LRRC36: variants seen among roughly 807,000 people sequenced by gnomAD.
The protein encoded by LRRC36 is leucine rich repeat containing 36, also known as leucine-rich repeat-containing protein 36.
A neutral mutation model predicts 81.1 loss-of-function variants in LRRC36; 62 were observed. That is an observed-to-expected ratio of 0.76 (90% CI 0.62 to 0.94). LRRC36 has a LOEUF of 0.94. Ranked by LOEUF, LRRC36 falls within the 40% of genes least tolerant of loss-of-function variation. The pLI, the probability that LRRC36 is intolerant of heterozygous loss-of-function variation, is 0.00. For missense variants in LRRC36, 761 were observed against 881.7 expected (o/e 0.86, Z 1.73); for synonymous variants, 334 against 348.6 (o/e 0.96, Z 0.47).
At chr16:67,355,727 G>T (rs1186105876) in intron 5 of LRRC36, among the ~76,000 whole-genome samples, 2 of 152,158 alleles carry the variant, frequency 1.3e-5, no homozygotes, top group Non-Finnish European at 2.9e-5. Flanking sequence ...TTCTCAAACT[G>T]GACTCCTGTT....
At chr16:67,371,366 G>A in intron 9 of LRRC36, 124 bp downstream of exon 9, 1 of 1,186,386 alleles carries the variant, frequency 8.4e-7, no homozygotes, top group Non-Finnish European at 1.2e-6. Context: ...GATTTTCAGA[G>A]GCTGGTGGCT....
intron 8 of LRRC36, among the ~76,000 whole-genome samples, chr16:67,367,835 G>T (rs756937205): frequency 6.6e-6 from 1 of 152,082 alleles, no homozygotes; most frequent in Admixed American, 6.6e-5. Flanking sequence ...GGTGGATCAC[G>T]AGGTCAGGAG....
intron 9 of LRRC36, among the ~76,000 whole-genome samples, chr16:67,374,548 A>G (rs1250518971): frequency 6.6e-6 from 1 of 151,770 alleles, no homozygotes; most frequent in Non-Finnish European, 1.5e-5. Flanking sequence ...GCTGCCCACC[A>G]TCATGCCTGG....
chr16:67,340,272 G>C (rs868250885), intron 1 of LRRC36, among the ~76,000 whole-genome samples: 8 of 152,132 alleles, frequency 5.3e-5, no homozygotes, highest in African/African-American at 1.7e-4. Context: ...CTCTCTTCCA[G>C]TTTTGGTTGC....
Position 67,367,100 on chromosome 16 carries a change from G to A in LRRC36, c.838G>A (p.Asp280Asn). 1 of 1,613,960 alleles carries A rather than the reference G, an allele frequency of 6.2e-7. No individual in the cohort carries two copies. Among genetic ancestry groups the A allele is most frequent in the Non-Finnish European group, 8.5e-7 (1 of 1,179,970 alleles). Residue 280 changes from aspartate to asparagine, a missense_variant, in exon 8 of 14, where the codon GAC becomes AAC. Transcript: ENST00000329956. ...AGAAGGGTACCAAGTATCTTTTTTG[G>A]ACAATAAGTCTTCAGGTTCTTCTCC... Reference protein sequence around the residue: ...TREGYQVSFLDNKSSGSSPEK... With the variant: ...TREGYQVSFLNNKSSGSSPEK...
intron 1 of LRRC36, 30 bp from the exon 2 acceptor site, chr16:67,341,927 A>G: frequency 1.3e-6 from 2 of 1,589,402 alleles, no homozygotes; most frequent in Non-Finnish European, 1.7e-6. Context: ...AGCAGGGATC[A>G]TAATATATCT....
At chr16:67,354,435 G>T (rs1267251684) in intron 5 of LRRC36, among the ~76,000 whole-genome samples, 11 of 151,878 alleles carry the variant, frequency 7.2e-5, no homozygotes, top group Non-Finnish European at 1.5e-5. Context: ...GTACCACCAC[G>T]CCTGGTTAAT....
chr16:67,335,407 T>C (rs1012579574), intron 1 of LRRC36, among the ~76,000 whole-genome samples: 4 of 152,208 alleles, frequency 2.6e-5, no homozygotes, highest in African/African-American at 7.2e-5. Context: ...TTAAAGGTTA[T>C]CTCTCTTGTT....
intron 1 of LRRC36, among the ~76,000 whole-genome samples, chr16:67,327,203 C>T (rs1415677473): frequency 6.6e-6 from 1 of 151,970 alleles, no homozygotes; most frequent in Non-Finnish European, 1.5e-5. Flanking sequence ...ACAAGGTTAA[C>T]AGGGGACCCT....
Position 67,384,982 on chromosome 16 carries a change from T to C in LRRC36, c.2158T>C (p.Ser720Pro). The change falls in exon 14 of 14, where the codon TCG becomes CCG. Residue 720 changes from serine to proline, a missense_variant. Ser to Pro is a moderately conservative substitution (Grantham distance 74). Transcript: ENST00000329956. ...GAAGGGTCATCATCTGGGGAGATCA[T>C]CGCCCTTTGGGAAAAGCACGTTGTC... ...PEKGHHLGRS[S>P]PFGKSTLSSS... The C allele has an allele frequency of 1.2e-6, 2 of 1,614,184 alleles. No homozygotes were observed. The highest frequency in any genetic ancestry group is 1.7e-6 in the Non-Finnish European group (2 of 1,180,026).
At chr16:67,365,401 GA>G (rs2039340225) in intron 7 of LRRC36, 46 bp downstream of exon 7, 1 of 1,542,340 alleles carries the variant, frequency 6.5e-7, no homozygotes, top group South Asian at 1.1e-5. Context: ...ACTAATCAGA[GA>G]AGTCTGGATG....
At chr16:67,358,494 A>AT (rs112646894) in intron 5 of LRRC36, among the ~76,000 whole-genome samples, 5,365 of 134,584 alleles carry the variant, frequency 0.04, 132 homozygotes, top group Middle Eastern at 0.14. Context: ...GTCGCCACTA[A>AT]TTTTTTTTTT....
chr16:67,357,079 A>G lies in LRRC36; in HGVS notation c.578-6511A>G, dbSNP rs555436382. On this transcript the variant is annotated intron_variant, in intron 5 of 13. Transcript: ENST00000329956. ...AATGAGGACCTGTCCTCGGAGGCCA[A>G]TGGTAAAATGCAGATGAGGAAGCAC... Among the ~76,000 whole-genome samples the G allele has an allele frequency of 2.6e-5, 4 of 152,356 alleles. No individual in the cohort carries two copies. In the East Asian group the frequency reaches 7.7e-4, roughly 29 times the overall value.
intron 13 of LRRC36, among the ~76,000 whole-genome samples, chr16:67,382,813 C>G (rs1357107976): frequency 2.0e-5 from 3 of 152,114 alleles, no homozygotes; most frequent in Non-Finnish European, 4.4e-5. Context: ...GAAACTCCGT[C>G]TCTACTAAAA....
chr16:67,385,023 G>A lies in LRRC36; in HGVS notation c.2199G>A (p.Val733=), dbSNP rs2040245594. 6.2e-7 allele frequency: 1 copy of A among 1,614,168 alleles called. No homozygotes were observed. Among genetic ancestry groups the A allele is most frequent in the Non-Finnish European group, 8.5e-7 (1 of 1,180,030 alleles). The change falls in exon 14 of 14, where the codon GTG becomes GTA. Residue 733 remains valine, a synonymous_variant. Transcript: ENST00000329956. ...GCACGTTGTCTTCCTCCTCACCAGT[G>A]GCACATGAGACTGGTCAGTATCTAA... ...GKSTLSSSSP[V]AHETGQYLIQ... is the part of the protein sequence containing the mutation.
At chr16:67,356,983 T>C (rs2142063351) in intron 5 of LRRC36, among the ~76,000 whole-genome samples, 1 of 152,268 alleles carries the variant, frequency 6.6e-6, no homozygotes, top group Admixed American at 6.5e-5. Context: ...AATAAGGATC[T>C]CTTAGAGGTG....
intron 6 of LRRC36, 44 bp from the exon 7 acceptor site, chr16:67,365,260 C>T (rs767182227): frequency 2.8e-5 from 37 of 1,332,358 alleles, no homozygotes; most frequent in South Asian, 3.6e-5. Context: ...CACATTTGAA[C>T]GCGCATGGAC....
At chr16:67,351,669 T>C (rs1330918831) in intron 5 of LRRC36, among the ~76,000 whole-genome samples, 1 of 152,208 alleles carries the variant, frequency 6.6e-6, no homozygotes, top group Non-Finnish European at 1.5e-5. Flanking sequence ...ATTGCGCCAC[T>C]GCACTCTAGC....
intron 1 of LRRC36, 96 bp from the exon 2 acceptor site, chr16:67,341,861 C>A (rs990997283): frequency 6.4e-6 from 6 of 930,906 alleles, no homozygotes; most frequent in African/African-American, 1.7e-5. Flanking sequence ...GGGCCTTGCA[C>A]AGTTGAGATA....
Sources: gnomAD v4.1 joint callset for allele counts (sites outside exome capture counted in the v4.1 genomes callset) on GRCh38, gnomAD v4.1.1 for gene constraint, MANE v1.5 for transcripts, NCBI Gene and HGNC (gene_info 2026-07-23, HGNC 2026-07-21) for gene names.